The following MSRA variants were observed in gnomAD, a reference collection of about 807,000 sequenced individuals.
The protein encoded by MSRA is methionine sulfoxide reductase A.
In MSRA, 54 loss-of-function variants were observed where a neutral mutation model predicts 31.3. The observed-to-expected ratio is 1.73, with a 90% confidence interval of 1.39 to 2.17. The LOEUF (loss-of-function observed/expected upper bound fraction) is 2.17, where lower values mean the gene tolerates loss of function less well. MSRA is among the 30% of genes most tolerant of loss of function. MSRA has a pLI of 0.00. For synonymous variants in MSRA, 169 were observed against 116.5 expected, an observed-to-expected ratio of 1.45 and a Z score of -2.90; for missense variants, 507 against 300.9, an observed-to-expected ratio of 1.69 and a Z score of -5.07.
At chr8:10,226,834 G>T (rs1253674588) in intron 2 of MSRA, among the ~76,000 whole-genome samples, 1 of 152,178 alleles carries the variant, frequency 6.6e-6, no homozygotes, top group East Asian at 1.9e-4. Flanking sequence ...CAGCCTGCCT[G>T]ATCTCAGCCT....
rs190309856 is a variant in MSRA at position 10,264,782 on chromosome 8, G to A, written c.331+19559G>A. Among the ~76,000 whole-genome samples, 5 of 152,334 alleles carry A rather than the reference G, an allele frequency of 3.3e-5. No homozygotes were observed. The East Asian group carries it at 9.7e-4, about 29-fold the overall frequency. On this transcript the variant is annotated intron_variant, in intron 3 of 5. Transcript: ENST00000317173. ...AGACAATCCTTTATATCAAGTCCCA[G>A]GAACTAACTTGAGAGCCCAATGCGG...
chr8:10,206,931 A>G (rs1809039650), intron 1 of MSRA, among the ~76,000 whole-genome samples: 1 of 152,192 alleles, frequency 6.6e-6, no homozygotes, highest in African/African-American at 2.4e-5. Context: ...TTCAGTGCTG[A>G]GCCCTTTGCC....
At chr8:10,120,712 T>G (rs1801047175) in intron 1 of MSRA, among the ~76,000 whole-genome samples, 1 of 152,220 alleles carries the variant, frequency 6.6e-6, no homozygotes, top group South Asian at 2.1e-4. Context: ...AAGCGAAGCC[T>G]GGTGAATCTA....
intron 5 of MSRA, among the ~76,000 whole-genome samples, chr8:10,357,836 A>G (rs1321588908): frequency 6.6e-6 from 1 of 152,228 alleles, no homozygotes; most frequent in Non-Finnish European, 1.5e-5. Flanking sequence ...GTTCAAACTG[A>G]TATTTCAGAC....
At chr8:10,142,400 A>G (rs1215889667) in intron 1 of MSRA, among the ~76,000 whole-genome samples, 3 of 152,188 alleles carry the variant, frequency 2.0e-5, no homozygotes, top group Non-Finnish European at 4.4e-5. Flanking sequence ...AGTGATGGAG[A>G]TGGCACCTGA....
chr8:10,179,168 G>T (rs935282199), intron 1 of MSRA, among the ~76,000 whole-genome samples: 3 of 152,084 alleles, frequency 2.0e-5, no homozygotes, highest in Admixed American at 6.5e-5. Flanking sequence ...TTTAATAATT[G>T]AATTATTTTT....
At chr8:10,368,940 AAATG>A (rs553143469) in intron 5 of MSRA, among the ~76,000 whole-genome samples, 13 of 152,224 alleles carry the variant, frequency 8.5e-5, no homozygotes, top group Non-Finnish European at 5.9e-5. Context: ...CTTAGCAAGA[AAATG>A]AAATTCTTGT....
chr8:10,319,324 A>G (rs1801909973), intron 4 of MSRA, among the ~76,000 whole-genome samples: 1 of 151,800 alleles, frequency 6.6e-6, no homozygotes, highest in South Asian at 2.1e-4. Flanking sequence ...ACTATCATCC[A>G]CCCTTCAGCT....
intron 5 of MSRA, among the ~76,000 whole-genome samples, chr8:10,359,219 T>C (rs1235386740): frequency 6.6e-6 from 1 of 152,214 alleles, no homozygotes; most frequent in Non-Finnish European, 1.5e-5. Flanking sequence ...CTCTTCTCCA[T>C]TGATTGGATC....
At chr8:10,085,775 A>G (rs1295210971) in intron 1 of MSRA, among the ~76,000 whole-genome samples, 3 of 152,174 alleles carry the variant, frequency 2.0e-5, no homozygotes, top group Non-Finnish European at 2.9e-5. Flanking sequence ...CCAGCTAACA[A>G]TTGATCTGCT....
At chr8:10,065,272 A>G (rs1413554442) in intron 1 of MSRA, among the ~76,000 whole-genome samples, 1 of 151,964 alleles carries the variant, frequency 6.6e-6, no homozygotes, top group Non-Finnish European at 1.5e-5. Flanking sequence ...TGCTAGCCCC[A>G]TGCAGGTTGC....
chr8:10,276,548 T>A (rs767714177), intron 3 of MSRA, among the ~76,000 whole-genome samples: 1 of 152,336 alleles, frequency 6.6e-6, no homozygotes, highest in Admixed American at 6.5e-5. Context: ...AATTGAAGCC[T>A]TTGACTTGCT....
intron 5 of MSRA, among the ~76,000 whole-genome samples, chr8:10,395,373 A>G (rs1389417443): frequency 6.6e-6 from 1 of 152,132 alleles, no homozygotes; most frequent in Non-Finnish European, 1.5e-5. Context: ...CACTAAGGGG[A>G]TTATAGGATG....
chr8:10,067,560 T>C (rs1375114335), intron 1 of MSRA, among the ~76,000 whole-genome samples: 1 of 152,234 alleles, frequency 6.6e-6, no homozygotes. Flanking sequence ...AAAAGTGTGA[T>C]TTCTGGGTTG....
At chr8:10,134,839 G>C (rs1563135663) in intron 1 of MSRA, among the ~76,000 whole-genome samples, 1 of 152,204 alleles carries the variant, frequency 6.6e-6, no homozygotes, top group Non-Finnish European at 1.5e-5. Flanking sequence ...TTTAAATGTT[G>C]TTTTACAAGC....
At chr8:10,414,707 G>A (rs1307803314) in intron 5 of MSRA, among the ~76,000 whole-genome samples, 1 of 152,218 alleles carries the variant, frequency 6.6e-6, no homozygotes, top group Non-Finnish European at 1.5e-5. Context: ...TGGAATGAAG[G>A]CTCTTTCCTT....
Position 10,158,563 on chromosome 8 carries a change from C to G in MSRA, c.143-49270C>G, listed in dbSNP as rs145449680. Among the ~76,000 whole-genome samples, 12 of 152,330 alleles carry G rather than the reference C, an allele frequency of 7.9e-5. No individual in the cohort carries two copies. In the East Asian group the frequency reaches 2.3e-3, roughly 29 times the overall value. On this transcript the variant is annotated intron_variant, in intron 1 of 5. Coordinates refer to ENST00000317173, the MANE Select transcript of MSRA (RefSeq NM_012331.5). ...ATCAGTGCTTCAGTCCCTTTGATTG[C>G]TGGTCATCTTCCATTGCATGGATGT...
chr8:10,246,127 G>C (rs1242783490), intron 3 of MSRA, among the ~76,000 whole-genome samples: 5 of 152,174 alleles, frequency 3.3e-5, no homozygotes, highest in African/African-American at 1.2e-4. Context: ...TTGAAGCACA[G>C]CTATTCTCAT....
intron 1 of MSRA, among the ~76,000 whole-genome samples, chr8:10,164,363 G>A (rs17151217): frequency 0.051 from 7,782 of 152,146 alleles, 310 homozygotes; most frequent in South Asian, 0.11. Context: ...GTGTATTTTG[G>A]CAGCAGATCC....
Sources: gnomAD v4.1 joint callset for allele counts (sites outside exome capture counted in the v4.1 genomes callset) on GRCh38, gnomAD v4.1.1 for gene constraint, MANE v1.5 for transcripts, NCBI Gene and HGNC (gene_info 2026-07-23, HGNC 2026-07-21) for gene names.